Variants in PEBP4 observed in about 807,000 individuals in gnomAD.
PEBP4 encodes phosphatidylethanolamine binding protein 4.
A neutral mutation model predicts 23.9 loss-of-function variants in PEBP4; 22 were observed. The observed-to-expected ratio is 0.92, with a 90% CI of 0.66 to 1.31. PEBP4 has a LOEUF of 1.31. Among genes scored for constraint, PEBP4 ranks in the 40% most tolerant of loss-of-function variants. The probability of loss-of-function intolerance (pLI) is 0.00; values close to 1 mark genes in which losing one functional copy is unlikely to be tolerated. For missense variants in PEBP4, 324 were observed against 281.7 expected, an observed-to-expected ratio of 1.15 and a Z score of -1.07; for synonymous variants, 112 against 99.3, an observed-to-expected ratio of 1.13 and a Z score of -0.76.
chr8:22,745,230 G>A (rs1194694469), intron 4 of PEBP4, among the ~76,000 whole-genome samples: 1 of 152,190 alleles, frequency 6.6e-6, no homozygotes, highest in African/African-American at 2.4e-5. Flanking sequence ...ACAGGGACAG[G>A]CCACATTCTC....
chr8:22,925,437 CTG>C (rs1809306179), intron 2 of PEBP4: 1 of 589,568 alleles, frequency 1.7e-6, no homozygotes, highest in Non-Finnish European at 2.1e-6. Context: ...TATGTAAACA[CTG>C]TGGGCAGATT....
At chr8:22,797,834 G>A (rs1806297472) in intron 4 of PEBP4, among the ~76,000 whole-genome samples, 1 of 152,194 alleles carries the variant, frequency 6.6e-6, no homozygotes, top group South Asian at 2.1e-4. Flanking sequence ...GAAAACTCAG[G>A]TGGTCAGAGT....
chr8:22,719,583 G>C (rs1466346877), intron 6 of PEBP4, among the ~76,000 whole-genome samples: 1 of 152,206 alleles, frequency 6.6e-6, no homozygotes, highest in East Asian at 1.9e-4. Flanking sequence ...CAGAAGTCTG[G>C]GTCAGGAGAG....
chr8:22,863,843 A>G (rs1467956029), intron 3 of PEBP4, among the ~76,000 whole-genome samples: 1 of 152,170 alleles, frequency 6.6e-6, no homozygotes, highest in Non-Finnish European at 1.5e-5. Context: ...AGGAGAAAAG[A>G]AGGATGTGTC....
rs191558164 is a variant in PEBP4 at position 22,756,592 on chromosome 8, C to T, written c.358-29372G>A. 1.6e-3 allele frequency among the ~76,000 whole-genome samples: 241 copies of T among 152,312 alleles called. 1 individual carries two copies. The highest frequency in any genetic ancestry group is 5.4e-3 in the African/African-American group (226 of 41,558). On this transcript the variant is annotated intron_variant, in intron 4 of 6. Coordinates refer to ENST00000256404, the MANE Select transcript of PEBP4 (RefSeq NM_144962.3). ...TGGGGAAGCAAGCCTTTTCTAGATG[C>T]GTCCAGCCCCCAATCTTTGCATCCC...
chr8:22,831,533 C>T (rs867008249), intron 3 of PEBP4, among the ~76,000 whole-genome samples: 1 of 152,130 alleles, frequency 6.6e-6, no homozygotes, highest in African/African-American at 2.4e-5. Context: ...AAGCACCATG[C>T]TAAGGGCTTG....
At chr8:22,830,345 A>T (rs889341196) in intron 3 of PEBP4, among the ~76,000 whole-genome samples, 1 of 151,986 alleles carries the variant, frequency 6.6e-6, no homozygotes, top group Non-Finnish European at 1.5e-5. Context: ...GGGTTTCACC[A>T]TGTTGGCCAG....
At chr8:22,756,744 A>G (rs1232408081) in intron 4 of PEBP4, among the ~76,000 whole-genome samples, 1 of 152,178 alleles carries the variant, frequency 6.6e-6, no homozygotes, top group African/African-American at 2.4e-5. Context: ...GGTTGCTGGC[A>G]GGCTGGGAAT....
intron 4 of PEBP4, among the ~76,000 whole-genome samples, chr8:22,785,078 T>G (rs866511642): frequency 2.0e-5 from 3 of 152,314 alleles, no homozygotes; most frequent in Middle Eastern, 3.4e-3. Flanking sequence ...CCGCCCACTC[T>G]GTCCCCACTT....
chr8:22,788,253 C>T (rs1366119907), intron 4 of PEBP4, among the ~76,000 whole-genome samples: 1 of 152,024 alleles, frequency 6.6e-6, no homozygotes, highest in Admixed American at 6.6e-5. Flanking sequence ...CTAACTATCA[C>T]CGAGAAACCC....
chr8:22,818,166 G>A (rs749958955), intron 3 of PEBP4, among the ~76,000 whole-genome samples: 24 of 152,146 alleles, frequency 1.6e-4, no homozygotes, highest in Non-Finnish European at 2.4e-4. Context: ...CTATCACAAA[G>A]AACACCAGGA....
chr8:22,829,385 C>A (rs983682788), intron 3 of PEBP4, among the ~76,000 whole-genome samples: 6 of 152,192 alleles, frequency 3.9e-5, no homozygotes, highest in Admixed American at 3.3e-4. Context: ...ATATTTCAAG[C>A]CTTCTCCAAT....
chr8:22,770,222 T>A (rs528913574), intron 4 of PEBP4, among the ~76,000 whole-genome samples: 4 of 152,112 alleles, frequency 2.6e-5, no homozygotes, highest in Admixed American at 2.6e-4. Context: ...TGGGACTGGG[T>A]CAGTGGCTTG....
At chr8:22,903,332 T>C (rs1808748041) in intron 3 of PEBP4, among the ~76,000 whole-genome samples, 6 of 152,162 alleles carry the variant, frequency 3.9e-5, no homozygotes. Flanking sequence ...GGGATAATGA[T>C]GGTTGTGAAG....
At chr8:22,795,157 ATATATATTTTTTTTTTTTTTT>A (rs1427317402) in intron 4 of PEBP4, among the ~76,000 whole-genome samples, 4 of 30,752 alleles carry the variant, frequency 1.3e-4, no homozygotes, top group South Asian at 1.5e-3. Context: ...ATATATATAT[ATATATATTTTTTTTTTTTTTT>A]TTTTTTTTTT....
At chr8:22,759,694 G>C (rs1805465888) in intron 4 of PEBP4, among the ~76,000 whole-genome samples, 1 of 152,144 alleles carries the variant, frequency 6.6e-6, no homozygotes. Context: ...CTTTCTTTTT[G>C]AGAAATGCAG....
At chr8:22,725,279 C>G (rs1057511597) in intron 5 of PEBP4, among the ~76,000 whole-genome samples, 8 of 152,208 alleles carry the variant, frequency 5.3e-5, no homozygotes, top group African/African-American at 1.9e-4. Context: ...TTGCTTTAGT[C>G]TATCCTGATG....
intron 3 of PEBP4, among the ~76,000 whole-genome samples, chr8:22,900,053 A>G (rs1186696320): frequency 1.3e-5 from 2 of 151,920 alleles, no homozygotes; most frequent in Admixed American, 6.5e-5. Flanking sequence ...AGCCTTATCT[A>G]TGCTTCAACT....
intron 3 of PEBP4, among the ~76,000 whole-genome samples, chr8:22,832,300 G>A (rs1043954058): frequency 6.6e-6 from 1 of 152,130 alleles, no homozygotes; most frequent in Non-Finnish European, 1.5e-5. Context: ...CTTGTGATGG[G>A]CTAGGTACCT....
Sources: allele counts gnomAD v4.1 joint callset (sites outside exome capture counted in the v4.1 genomes callset), GRCh38; gene constraint gnomAD v4.1.1; transcripts MANE v1.5; gene names NCBI Gene and HGNC (gene_info 2026-07-23, HGNC 2026-07-21).